The following ANKRD26 variants were observed in gnomAD, a reference collection of about 807,000 sequenced individuals.
ANKRD26 encodes ankyrin repeat domain 26.
Under a neutral mutation model 208.7 loss-of-function variants are expected in ANKRD26, and 141 were observed. That is an observed-to-expected ratio of 0.68 (90% CI 0.59 to 0.78). ANKRD26 has a LOEUF of 0.78. Ranked by LOEUF, ANKRD26 falls within the 30% of genes least tolerant of loss-of-function variation. ANKRD26 has a pLI of 0.00. For synonymous variants in ANKRD26, 636 were observed against 660.4 expected, an observed-to-expected ratio of 0.96 and a Z score of 0.57; for missense variants, 1,889 against 1,938.7, an observed-to-expected ratio of 0.97 and a Z score of 0.48.
the ANKRD26 span, among the ~76,000 whole-genome samples, chr10:26,963,912 T>G: frequency 7.3e-6 from 1 of 136,252 alleles, no homozygotes; most frequent in Non-Finnish European, 1.6e-5. Flanking sequence ...GGTTTTTTTT[T>G]TTTTTTTTTT....
At position 27,005,518 on chromosome 10, in the gene ANKRD26, TAC is replaced by T. The variant is rs2052840823; in HGVS notation, c.*70_*71del. The T allele has an allele frequency of 6.4e-7, 1 of 1,561,158 alleles. No homozygotes were observed. The highest frequency in any genetic ancestry group is 1.4e-5 in the African/African-American group (1 of 72,722). On this transcript the variant is annotated 3_prime_UTR_variant, in exon 34 of 34. Transcript: ENST00000376087. ...CAAAAATACGTTCCTTTAATATTTT[TAC>T]ATGTCATATATTAATATTTAATGAG...
Position 27,030,366 on chromosome 10 carries a change from T to C in ANKRD26, c.3808-1010A>G, listed in dbSNP as rs982413735. On this transcript the variant is annotated intron_variant, in intron 25 of 33. Transcript: ENST00000376087. Reference sequence around the variant, plus strand: ...CAATGACCACAATGCAAACAGCACCTCCTGGAATAAGTAATACATAACTTA... The same window carrying C: ...CAATGACCACAATGCAAACAGCACCCCCTGGAATAAGTAATACATAACTTA... 6.1e-6 allele frequency: 6 copies of C among 983,632 alleles called. No homozygotes were observed. The African/African-American group carries it at 1.0e-4, about 17-fold the overall frequency. 60.9% of individuals were successfully genotyped at this position (983,632 alleles called of 1,614,324 possible).
downstream of ANKRD26, among the ~76,000 whole-genome samples, chr10:27,001,701 G>T (rs1313763389): frequency 6.6e-6 from 1 of 152,164 alleles, no homozygotes; most frequent in Admixed American, 6.5e-5. Flanking sequence ...AAAGAATAGG[G>T]AAGATGAAGC....
intron 4 of ANKRD26, among the ~76,000 whole-genome samples, chr10:26,998,952 T>C (rs1349288145): frequency 6.6e-6 from 1 of 152,156 alleles, no homozygotes; most frequent in Non-Finnish European, 1.5e-5. Flanking sequence ...AGTAGCGGTA[T>C]ACGTGGAGGT....
rs754763326 is a variant in ANKRD26 at position 27,077,707 on chromosome 10, A to G, written c.814-14T>C. On this transcript the variant is annotated splice_polypyrimidine_tract_variant and intron_variant, in intron 7 of 33. Transcript: ENST00000376087. ...TTTTGGGACATTCTAGAAAACAAAA[A>G]TAAGAATAACAAGTTTTAAAAAAAC... 6.2e-7 allele frequency: 1 copy of G among 1,604,486 alleles called. No homozygotes were observed. Among genetic ancestry groups the G allele is most frequent in the South Asian group, 1.1e-5 (1 of 90,722 alleles).
At chr10:27,058,415 T>C (rs998864598) in intron 15 of ANKRD26, among the ~76,000 whole-genome samples, 1 of 152,206 alleles carries the variant, frequency 6.6e-6, no homozygotes, top group Middle Eastern at 3.2e-3. Context: ...GGTTCATGGG[T>C]CATAGCTCTA....
chr10:26,951,013 C>CTTTTTTTTTTTTTTTTTTTTTT, the ANKRD26 span, among the ~76,000 whole-genome samples: 76 of 100,886 alleles, frequency 7.5e-4, 6 homozygotes, highest in Middle Eastern at 4.5e-3. Flanking sequence ...CTTTTCTTTT[C>CTTTTTTTTTTTTTTTTTTTTTT]TTTTTCTTTT....
At chr10:27,067,826 C>T (rs972010802) in intron 9 of ANKRD26, among the ~76,000 whole-genome samples, 3 of 152,154 alleles carry the variant, frequency 2.0e-5, no homozygotes, top group Non-Finnish European at 4.4e-5. Flanking sequence ...CTATACCAGT[C>T]AGTAAGACAA....
chr10:27,093,507 C>G lies in ANKRD26; in HGVS notation c.373G>C (p.Glu125Gln). 1.2e-6 allele frequency: 2 copies of G among 1,614,154 alleles called. No homozygotes were observed. The highest frequency in any genetic ancestry group is 1.7e-6 in the Non-Finnish European group (2 of 1,180,032). The stretch of plus-strand genomic sequence containing the variant: ...AGCAGAATAGTTGCACATTTCTCTT[C>G]CTGGCATTGTACAGCCTGGGAGTAT... ...TALMKAVQCQ[E>Q]EKCATILLEH... The change falls in exon 3 of 34, where the codon GAA becomes CAA. Residue 125 changes from glutamate (E) to glutamine (Q), a missense_variant. Transcript: ENST00000376087.
intron 29 of ANKRD26, among the ~76,000 whole-genome samples, chr10:27,022,273 G>T (rs995227748): frequency 6.6e-6 from 1 of 152,156 alleles, no homozygotes; most frequent in Non-Finnish European, 1.5e-5. Flanking sequence ...AGAGGATGGA[G>T]GGTGAGAGAA....
chr10:27,093,477 G>A lies in ANKRD26; in HGVS notation c.403C>T (p.His135Tyr), dbSNP rs1204333365. 1.9e-6 allele frequency: 3 copies of A among 1,614,088 alleles called. No individual in the cohort carries two copies. The highest frequency in any genetic ancestry group is 2.7e-5 in the African/African-American group (2 of 74,936). ...EEKCATILLE[H>Y]GADPNLADVH... ...TCCGCAAGATTTGGATCAGCACCAT[G>A]TTCTAGCAGAATAGTTGCACATTTC... Residue 135 changes from histidine to tyrosine, a missense_variant, in exon 3 of 34, where the codon CAT becomes TAT. Physicochemically the swap from His to Tyr is moderately conservative, Grantham distance 83. This residue lies in a region of ANKRD26 where 1,272 missense variants were observed against 1,273.8 expected (regional missense o/e 1.00). Coordinates refer to ENST00000376087, the MANE Select transcript of ANKRD26 (RefSeq NM_014915.3).
chr10:27,068,596 T>C (rs2055352887), intron 9 of ANKRD26, among the ~76,000 whole-genome samples: 1 of 151,750 alleles, frequency 6.6e-6, no homozygotes, highest in South Asian at 2.1e-4. Flanking sequence ...GGGAACAGGA[T>C]GAGGAGAAAA....
chr10:27,051,357 T>C, intron 16 of ANKRD26: 5 of 1,253,530 alleles, frequency 4.0e-6, no homozygotes, highest in Non-Finnish European at 5.1e-6. Flanking sequence ...GTGAAACATA[T>C]GATTCATTTC....
At chr10:27,056,307 A>T (rs1313377683) in intron 15 of ANKRD26, among the ~76,000 whole-genome samples, 3 of 151,982 alleles carry the variant, frequency 2.0e-5, no homozygotes, top group African/African-American at 7.2e-5. Flanking sequence ...CCTCCTGAGC[A>T]GCTGGGATTA....
Position 27,033,380 on chromosome 10 carries a change from G to C in ANKRD26, c.3655-3C>G. The C allele has an allele frequency of 1.2e-6, 2 of 1,607,536 alleles. No individual in the cohort carries two copies. Among genetic ancestry groups the C allele is most frequent in the Non-Finnish European group, 1.7e-6 (2 of 1,176,242 alleles). On this transcript the variant is annotated splice_polypyrimidine_tract_variant and splice_region_variant and intron_variant, in intron 24 of 33. Coordinates refer to ENST00000376087, the MANE Select transcript of ANKRD26 (RefSeq NM_014915.3). ...TGTTGAAGTTGTCTCACAACAACCT[G>C]ATAAGACATTTTGTTACTGATTTTA...
At chr10:26,997,423 T>C (rs993270540) in intron 4 of ANKRD26, among the ~76,000 whole-genome samples, 3 of 152,208 alleles carry the variant, frequency 2.0e-5, no homozygotes, top group African/African-American at 7.2e-5. Context: ...TGAAACACTT[T>C]AACTTCCTCA....
In ANKRD26 at chr10:27,100,055, C is replaced by T. The variant is rs759303404; in HGVS notation, c.242+30G>A. On this transcript the variant is annotated intron_variant, in intron 1 of 33. Transcript: ENST00000376087. Reference sequence around the variant, plus strand: ...TCTTCCTGCCCGCCTACTCCAGTGGCACTCAGTCCGGGCTTGCGACGCCTA... The same window carrying T: ...TCTTCCTGCCCGCCTACTCCAGTGGTACTCAGTCCGGGCTTGCGACGCCTA... 2.5e-6 allele frequency: 4 copies of T among 1,612,804 alleles called. No homozygotes were observed. The African/African-American group carries it at 5.3e-5, about 22-fold the overall frequency.
chr10:27,014,820 G>C lies in ANKRD26; in HGVS notation c.4507-109C>G, dbSNP rs3818634. ...TTGTTTTTAACCCAAACTCCAAAAA[G>C]AGAAAGATCTCTGTGCCAGCAGGCA... On this transcript the variant is annotated intron_variant, in intron 30 of 33. Transcript: ENST00000376087. 8.4e-6 allele frequency: 7 copies of C among 833,066 alleles called. No individual in the cohort carries two copies. The East Asian group carries it at 1.9e-4, about 22-fold the overall frequency. The allele number at this position is 833,066 out of a possible 1,614,324, so 51.6% of individuals were successfully genotyped here. A position where few individuals can be genotyped will look rare whatever the true frequency, so the allele number is the denominator to read the frequency against.
At position 27,034,982 on chromosome 10, in the gene ANKRD26, C is replaced by T; in HGVS notation, c.3468G>A (p.Lys1156=). 6.2e-7 allele frequency: 1 copy of T among 1,614,056 alleles called. No homozygotes were observed. The highest frequency in any genetic ancestry group is 8.5e-7 in the Non-Finnish European group (1 of 1,179,950). Residue 1156 remains lysine, a synonymous_variant, in exon 24 of 34, where the codon AAG becomes AAA. Coordinates refer to ENST00000376087, the MANE Select transcript of ANKRD26 (RefSeq NM_014915.3). ...TCACTGTCTTCTCTTTATTGTCAGC[C>T]TTGTTGTGGGCATCATCCAGTTGTT... ...LRQQLDDAHN[K]ADNKEKTVIN...
Sources: gnomAD v4.1 joint callset for allele counts (sites outside exome capture counted in the v4.1 genomes callset) on GRCh38, gnomAD v4.1.1 for gene constraint, gnomAD v4.1.1 regional missense constraint, MANE v1.5 for transcripts, NCBI Gene and HGNC (gene_info 2026-07-23, HGNC 2026-07-21) for gene names.